The following STAU2 variants were observed in gnomAD, a reference collection of about 807,000 sequenced individuals.
STAU2 encodes the protein double-stranded RNA-binding protein Staufen homolog 2.
A neutral mutation model predicts 65.9 loss-of-function variants in STAU2; 20 were observed. That is an observed-to-expected ratio of 0.30 (90% confidence interval 0.21 to 0.44). STAU2 has a LOEUF of 0.44. Ranked by LOEUF, STAU2 falls within the 20% of genes least tolerant of loss-of-function variation. STAU2 has a pLI of 1.00. For missense variants in STAU2, 558 were observed against 683.9 expected (o/e 0.82, Z 2.05); for synonymous variants, 232 against 233.9 (o/e 0.99, Z 0.07).
intron 3 of STAU2, among the ~76,000 whole-genome samples, chr8:73,736,883 T>C (rs1282317239): frequency 1.3e-5 from 2 of 152,172 alleles, no homozygotes; most frequent in African/African-American, 2.4e-5. Context: ...TTTCTTTTTT[T>C]GGAACGCATC....
chr8:73,626,202 C>T (rs566062667), intron 6 of STAU2, among the ~76,000 whole-genome samples: 1 of 152,188 alleles, frequency 6.6e-6, no homozygotes, highest in South Asian at 2.1e-4. Flanking sequence ...GACATTTGAA[C>T]ACAGATTTGA....
At chr8:73,551,780 G>A in intron 13 of STAU2, 5 of 1,187,910 alleles carry the variant, frequency 4.2e-6, no homozygotes, top group Non-Finnish European at 2.1e-6. Flanking sequence ...AAAGAAGAAG[G>A]AAAATGGAGA....
chr8:73,554,883 C>T (rs1807604870), intron 12 of STAU2, among the ~76,000 whole-genome samples: 1 of 152,206 alleles, frequency 6.6e-6, no homozygotes, highest in African/African-American at 2.4e-5. Context: ...ATGAAGATCC[C>T]ATGCTCCAGT....
intron 6 of STAU2, among the ~76,000 whole-genome samples, chr8:73,626,256 T>C (rs1300516518): frequency 6.6e-6 from 1 of 152,174 alleles, no homozygotes; most frequent in Admixed American, 6.5e-5. Flanking sequence ...AAAGAAAAAG[T>C]GCTCTAAGCA....
intron 13 of STAU2, among the ~76,000 whole-genome samples, chr8:73,471,172 TC>T (rs1819986036): frequency 8.4e-6 from 1 of 119,390 alleles, no homozygotes; most frequent in Non-Finnish European, 1.8e-5. Flanking sequence ...TCTAATTCTC[TC>T]TTTTTTTTTT....
At chr8:73,668,164 T>C (rs1432989695) in intron 6 of STAU2, among the ~76,000 whole-genome samples, 1 of 152,188 alleles carries the variant, frequency 6.6e-6, no homozygotes, top group African/African-American at 2.4e-5. Flanking sequence ...CTTCACCTTC[T>C]TCACTACAAG....
chr8:73,617,019 A>G (rs775451455), intron 7 of STAU2, among the ~76,000 whole-genome samples: 1 of 152,214 alleles, frequency 6.6e-6, no homozygotes, highest in African/African-American at 2.4e-5. Flanking sequence ...TCTATATTCA[A>G]TAAACATAGT....
chr8:73,697,339 TAATTATGAAGG>T (rs1819756328), intron 4 of STAU2: 1 of 152,164 alleles, frequency 6.6e-6, no homozygotes, highest in Non-Finnish European at 1.5e-5. Context: ...AAATATCCTT[TAATTATGAAGG>T]AGAGATAAAG....
intron 6 of STAU2, among the ~76,000 whole-genome samples, chr8:73,622,327 T>C (rs1008457997): frequency 5.3e-5 from 8 of 151,876 alleles, no homozygotes; most frequent in Non-Finnish European, 1.2e-4. Context: ...AGGGTTTCAC[T>C]GTGTTAGCCA....
In STAU2 at chr8:73,498,765, A is replaced by C. The variant is rs1187162094; in HGVS notation, c.1530+53247T>G. 4.0e-5 allele frequency among the ~76,000 whole-genome samples: 6 copies of C among 151,842 alleles called. No individual in the cohort carries two copies. In the East Asian group the frequency reaches 1.2e-3, roughly 29 times the overall value. ...AAGTGAGTATATGAACCAAGTGTCA[A>C]AGCTGTATCCATATGTTTTTCAACT... is the stretch of plus-strand genomic sequence containing the variant. On this transcript the variant is annotated intron_variant, in intron 13 of 14. Coordinates refer to ENST00000524300, the MANE Select transcript of STAU2 (RefSeq NM_001164380.2).
chr8:73,726,394 AACC>A (rs1451118949), intron 3 of STAU2, among the ~76,000 whole-genome samples: 3 of 152,234 alleles, frequency 2.0e-5, no homozygotes, highest in Non-Finnish European at 2.9e-5. Flanking sequence ...TTATTCATGT[AACC>A]AAACACCACC....
chr8:73,534,369 G>T (rs1806044172), intron 13 of STAU2, among the ~76,000 whole-genome samples: 1 of 152,200 alleles, frequency 6.6e-6, no homozygotes, highest in Admixed American at 6.5e-5. Context: ...GCACAAAGCA[G>T]CTTTCTTTCA....
chr8:73,475,828 C>T (rs1820295342), intron 13 of STAU2, among the ~76,000 whole-genome samples: 1 of 152,158 alleles, frequency 6.6e-6, no homozygotes, highest in Non-Finnish European at 1.5e-5. Context: ...AATTCAGGTT[C>T]CCTAACTGCT....
intron 3 of STAU2, among the ~76,000 whole-genome samples, chr8:73,717,933 A>G (rs575416009): frequency 6.6e-6 from 1 of 152,250 alleles, no homozygotes; most frequent in Non-Finnish European, 1.5e-5. Flanking sequence ...AGATTGAAAT[A>G]TAAGTCTCTT....
rs373379446 is a variant in STAU2 at position 73,604,373 on chromosome 8, C to T, written c.892-510G>A. Among the ~76,000 whole-genome samples the T allele has an allele frequency of 5.3e-5, 8 of 152,058 alleles. No homozygotes were observed. The South Asian group carries it at 6.2e-4, about 12-fold the overall frequency. On this transcript the variant is annotated intron_variant, in intron 9 of 14. Transcript: ENST00000524300. ...CCTCCCAAATAGCTGGAACTACAGG[C>T]GCGCCCACACCATGCCCAGCTAATT...
intron 13 of STAU2, chr8:73,440,300 C>T (rs1165138413): frequency 6.6e-6 from 1 of 152,212 alleles, no homozygotes; most frequent in East Asian, 1.9e-4. Context: ...TTAGCCTGGC[C>T]TCCTGCCCTA....
At chr8:73,561,401 T>C (rs1808216846) in intron 12 of STAU2, 1 of 344,516 alleles carries the variant, frequency 2.9e-6, no homozygotes, top group Non-Finnish European at 5.7e-6. Context: ...AAAATGATGT[T>C]TGAGAGCACC....
At chr8:73,654,657 A>AAAAAAAAAAAAAAAAAAAAC (rs1423535552) in intron 6 of STAU2, among the ~76,000 whole-genome samples, 1 of 141,512 alleles carries the variant, frequency 7.1e-6, no homozygotes, top group Non-Finnish European at 1.5e-5. Flanking sequence ...AAAAAAAAAA[A>AAAAAAAAAAAAAAAAAAAAC]AAAAGAACTC....
At chr8:73,688,455 C>T (rs1036513689) in intron 5 of STAU2, among the ~76,000 whole-genome samples, 199 bp downstream of exon 5, 12 of 151,714 alleles carry the variant, frequency 7.9e-5, no homozygotes, top group South Asian at 4.2e-4. Flanking sequence ...CGTGAGCCAA[C>T]GCACCAAGCC....
Sources: gnomAD v4.1 joint callset for allele counts (sites outside exome capture counted in the v4.1 genomes callset) on GRCh38, gnomAD v4.1.1 for gene constraint, MANE v1.5 for transcripts, NCBI Gene and HGNC (gene_info 2026-07-23, HGNC 2026-07-21) for gene names.